The following CLYBL variants were observed in gnomAD, a reference collection of about 807,000 sequenced individuals.
CLYBL encodes citramalyl-CoA lyase, also known as citramalyl-CoA lyase, mitochondrial.
CLYBL carries 31 observed loss-of-function variants against 38.9 expected under a neutral mutation model. That is an observed-to-expected ratio of 0.80 (90% CI 0.60 to 1.08). The LOEUF (loss-of-function observed/expected upper bound fraction) is 1.08. CLYBL is among the 50% of genes least tolerant of loss of function. The pLI is 0.00. For synonymous variants in CLYBL, 171 were observed against 158.6 expected (o/e 1.08, Z -0.59); for missense variants, 434 against 411.6 (o/e 1.05, Z -0.47).
chr13:99,714,566 G>C (rs1029727332), intron 1 of CLYBL, among the ~76,000 whole-genome samples: 2 of 152,052 alleles, frequency 1.3e-5, no homozygotes, highest in Non-Finnish European at 2.9e-5. Context: ...GCAGTGAGTG[G>C]AGACTGCGCC....
At chr13:99,664,190 C>T (rs1269364883) in intron 1 of CLYBL, among the ~76,000 whole-genome samples, 2 of 152,198 alleles carry the variant, frequency 1.3e-5, no homozygotes, top group East Asian at 1.9e-4. Context: ...GGACCAATCC[C>T]CTTGGACAAA....
chr13:99,833,022 ATATATATATTTTTTTTTT>A (rs1566345741), intron 2 of CLYBL, among the ~76,000 whole-genome samples: 2 of 37,468 alleles, frequency 5.3e-5, no homozygotes, highest in African/African-American at 2.2e-4. Flanking sequence ...ATATATATAT[ATATATATATTTTTTTTTT>A]TTTTTTTTTT....
intron 2 of CLYBL, among the ~76,000 whole-genome samples, chr13:99,822,947 A>G (rs2050614988): frequency 6.6e-6 from 1 of 152,208 alleles, no homozygotes; most frequent in African/African-American, 2.4e-5. Context: ...TCTATGTAAG[A>G]TGAGGATTGA....
At chr13:99,625,733 A>G (rs146210918) in intron 1 of CLYBL, among the ~76,000 whole-genome samples, 186 of 152,352 alleles carry the variant, frequency 1.2e-3, no homozygotes, top group African/African-American at 4.1e-3. Context: ...AGAGGCACCT[A>G]TGGCACATCT....
intron 8 of CLYBL, among the ~76,000 whole-genome samples, chr13:99,903,865 T>C (rs2052667372): frequency 6.6e-6 from 1 of 152,038 alleles, no homozygotes; most frequent in Non-Finnish European, 1.5e-5. Flanking sequence ...CAAGACCCCA[T>C]CTCTACAAAA....
chr13:99,765,762 C>CTTTTTTT (rs2049256561), intron 1 of CLYBL, among the ~76,000 whole-genome samples: 1 of 151,428 alleles, frequency 6.6e-6, no homozygotes, highest in Admixed American at 6.6e-5. Flanking sequence ...GCAGACTGGT[C>CTTTTTTT]TTAAACTCCT....
intron 7 of CLYBL, chr13:99,884,898 G>T: frequency 2.2e-6 from 1 of 455,266 alleles, no homozygotes. Context: ...GACAACTACA[G>T]TCCCTTCCCT....
intron 2 of CLYBL, among the ~76,000 whole-genome samples, chr13:99,857,284 C>T (rs1248736853): frequency 6.6e-6 from 1 of 152,058 alleles, no homozygotes; most frequent in East Asian, 1.9e-4. Context: ...CACTGCACTC[C>T]AGCCTGGGTG....
At chr13:99,847,233 G>C (rs766827038) in intron 2 of CLYBL, among the ~76,000 whole-genome samples, 8 of 152,164 alleles carry the variant, frequency 5.3e-5, no homozygotes, top group Non-Finnish European at 8.8e-5. Context: ...AGAGTGAAAG[G>C]CTGGCGGACC....
intron 1 of CLYBL, among the ~76,000 whole-genome samples, chr13:99,660,256 C>T (rs552469926): frequency 1.3e-5 from 2 of 152,226 alleles, no homozygotes; most frequent in South Asian, 2.1e-4. Context: ...TGCAGGAAGC[C>T]GGAGAAACAA....
chr13:99,699,537 C>T (rs2048029627), intron 1 of CLYBL, among the ~76,000 whole-genome samples: 1 of 149,234 alleles, frequency 6.7e-6, no homozygotes. Flanking sequence ...ACGAAAAATA[C>T]CAAAAATTAG....
At chr13:99,827,258 G>A (rs956862868) in intron 2 of CLYBL, among the ~76,000 whole-genome samples, 6 of 152,054 alleles carry the variant, frequency 3.9e-5, no homozygotes, top group Non-Finnish European at 5.9e-5. Context: ...TACACATATC[G>A]ATTCCCCTCT....
chr13:99,720,723 G>C (rs1455916813), intron 1 of CLYBL, among the ~76,000 whole-genome samples: 1 of 152,148 alleles, frequency 6.6e-6, no homozygotes, highest in Non-Finnish European at 1.5e-5. Flanking sequence ...GTAACATTCT[G>C]CTGTGAAGAA....
At chr13:99,816,441 CAAGT>C (rs1373287713) in intron 2 of CLYBL, among the ~76,000 whole-genome samples, 1 of 152,254 alleles carries the variant, frequency 6.6e-6, no homozygotes, top group Non-Finnish European at 1.5e-5. Flanking sequence ...TGAAAACAAG[CAAGT>C]GTCTTAGAAC....
chr13:99,627,439 T>A lies in CLYBL; in HGVS notation c.62+20682T>A, dbSNP rs529242097. ...AATAATTTTTGGCAGCTGGTTTAGT[T>A]TTCACCACTTCTAAGCCTATGACAA... On this transcript the variant is annotated intron_variant, in intron 1 of 8. Transcript: ENST00000339105. Among the ~76,000 whole-genome samples, 3 of 152,336 alleles carry A rather than the reference T, an allele frequency of 2.0e-5. No individual in the cohort carries two copies. The East Asian group carries it at 5.8e-4, about 29-fold the overall frequency.
chr13:99,735,938 ATC>A (rs1165843779), intron 1 of CLYBL, among the ~76,000 whole-genome samples: 1 of 151,768 alleles, frequency 6.6e-6, no homozygotes, highest in African/African-American at 2.4e-5. Context: ...ATAGTCCTAT[ATC>A]TCTTTTCAAC....
chr13:99,785,191 CTTTTTTTTTTTTTTTTTTTTTT>C (rs58550861), intron 2 of CLYBL, among the ~76,000 whole-genome samples: 1 of 34,184 alleles, frequency 2.9e-5, no homozygotes, highest in Admixed American at 6.3e-4. Flanking sequence ...CCCCGCCTGG[CTTTTTTTTTTTTTTTTTTTTTT>C]TTTTTTTTTT....
chr13:99,868,827 A>G (rs772685430), intron 6 of CLYBL, among the ~76,000 whole-genome samples: 5 of 152,210 alleles, frequency 3.3e-5, no homozygotes, highest in Non-Finnish European at 7.3e-5. Context: ...GAGAAGAAAG[A>G]TTATAAATAT....
chr13:99,845,386 C>A (rs1234128027), intron 2 of CLYBL, among the ~76,000 whole-genome samples: 4 of 152,020 alleles, frequency 2.6e-5, no homozygotes, highest in Admixed American at 6.6e-5. Context: ...CTTGTTCTCA[C>A]GTTAAATGCT....
Sources: gnomAD v4.1 joint callset for allele counts (sites outside exome capture counted in the v4.1 genomes callset) on GRCh38, gnomAD v4.1.1 for gene constraint, MANE v1.5 for transcripts, NCBI Gene and HGNC (gene_info 2026-07-23, HGNC 2026-07-21) for gene names.